Variants in ASAP1 observed in about 807,000 individuals in gnomAD.
ASAP1 encodes arf-GAP with SH3 domain, ANK repeat and PH domain-containing protein 1.
A neutral mutation model predicts 145.2 loss-of-function variants in ASAP1; 43 were observed. That is an observed-to-expected ratio of 0.30 (90% CI 0.23 to 0.38). The LOEUF (loss-of-function observed/expected upper bound fraction) is 0.38. Among genes scored for constraint, ASAP1 ranks in the 10% least tolerant of loss-of-function variants. The probability of loss-of-function intolerance (pLI) is 1.00; values close to 1 mark genes in which losing one functional copy is unlikely to be tolerated. For missense variants in ASAP1, 1,018 were observed against 1,355.3 expected, an observed-to-expected ratio of 0.75 and a Z score of 3.91; for synonymous variants, 546 against 515.5, an observed-to-expected ratio of 1.06 and a Z score of -0.80.
rs779220540 is a variant in ASAP1 at position 130,358,179 on chromosome 8, G to A, written c.60-36C>T. ...GGACGAGACACAAGCGGGGGCGGGG[G>A]GTGAGTCACGGCGCAGGCTCCCGGG... On this transcript the variant is annotated intron_variant, in intron 2 of 29. Coordinates refer to ENST00000518721, the MANE Select transcript of ASAP1 (RefSeq NM_018482.4). This position sits in a 1 kb window ranked among gnomAD's most constrained non-coding sequence, Gnocchi z 4.1. 4 of 1,570,878 alleles carry A rather than the reference G, an allele frequency of 2.5e-6. No individual in the cohort carries two copies. The highest frequency in any genetic ancestry group is 2.6e-6 in the Non-Finnish European group (3 of 1,160,282).
At position 130,378,456 on chromosome 8, in the gene ASAP1, C is replaced by T. The variant is rs116007817; in HGVS notation, c.60-20313G>A. ...TGGCTGGCAAAGGATGGTCCAGGCACGAGTACAGCAGGTGCAAGTGCACGG... is the reference window on the plus strand; with the variant it reads ...TGGCTGGCAAAGGATGGTCCAGGCATGAGTACAGCAGGTGCAAGTGCACGG... On this transcript the variant is annotated intron_variant, in intron 2 of 29. Coordinates refer to ENST00000518721, the MANE Select transcript of ASAP1 (RefSeq NM_018482.4). 3.8e-3 allele frequency among the ~76,000 whole-genome samples: 586 copies of T among 152,292 alleles called. 8 individuals carry two copies. The highest frequency in any genetic ancestry group is 0.013 in the African/African-American group (558 of 41,554).
intron 3 of ASAP1, among the ~76,000 whole-genome samples, chr8:130,300,151 CACAGAGAG>C (rs1405399196): frequency 1.7e-4 from 14 of 84,808 alleles, no homozygotes; most frequent in South Asian, 8.5e-4. Flanking sequence ...CACACACACA[CACAGAGAG>C]AGAGAGAGAG....
intron 25 of ASAP1, chr8:130,084,592 G>C (rs139846121): frequency 3.5e-4 from 53 of 152,252 alleles, no homozygotes; most frequent in African/African-American, 1.3e-3. Context: ...GGTTGCTACA[G>C]GAGTATTCTG....
At chr8:130,391,469 AT>A (rs1414555694) in intron 2 of ASAP1, among the ~76,000 whole-genome samples, 2 of 152,274 alleles carry the variant, frequency 1.3e-5, no homozygotes, top group African/African-American at 4.8e-5. Flanking sequence ...CAATTAAAAT[AT>A]TTTAAAATAA....
In ASAP1 at chr8:130,296,719, T is replaced by C. The variant is rs1239242098; in HGVS notation, c.187-59725A>G. On this transcript the variant is annotated intron_variant, in intron 3 of 29. Coordinates refer to ENST00000518721, the MANE Select transcript of ASAP1 (RefSeq NM_018482.4). ...TTCCCCCTTTCTTTTTAACCATTCA[T>C]CCAGCTCTACAGAGCACAAGGCCGA... Among the ~76,000 whole-genome samples, 5 of 151,370 alleles carry C rather than the reference T, an allele frequency of 3.3e-5. No individual in the cohort carries two copies. The East Asian group carries it at 9.7e-4, about 29-fold the overall frequency.
At chr8:130,297,187 T>C (rs1052130633) in intron 3 of ASAP1, among the ~76,000 whole-genome samples, 1 of 152,176 alleles carries the variant, frequency 6.6e-6, no homozygotes, top group Non-Finnish European at 1.5e-5. Flanking sequence ...AAATATATTA[T>C]CTTTTAAAAT....
intron 1 of ASAP1, among the ~76,000 whole-genome samples, chr8:130,428,143 T>C (rs1829993689): frequency 6.6e-6 from 1 of 152,116 alleles, no homozygotes; most frequent in African/African-American, 2.4e-5. Context: ...AGTCATGCAG[T>C]GAATCAAACG....
chr8:130,327,856 T>C (rs1443852025), intron 3 of ASAP1, among the ~76,000 whole-genome samples: 2 of 152,216 alleles, frequency 1.3e-5, no homozygotes, highest in African/African-American at 2.4e-5. Context: ...AAACACTGCA[T>C]TGTATACTTC....
In ASAP1 at chr8:130,399,104, C is replaced by T. The variant is rs187992668; in HGVS notation, c.59+2781G>A. ...AAACATCCTTAAAGGATGGGACGTG[C>T]CTTTCTCTGTCTCGTTCCTTCCTCC... On this transcript the variant is annotated intron_variant, in intron 2 of 29. Coordinates refer to ENST00000518721, the MANE Select transcript of ASAP1 (RefSeq NM_018482.4). Among the ~76,000 whole-genome samples, 8 of 152,288 alleles carry T rather than the reference C, an allele frequency of 5.3e-5. No individual in the cohort carries two copies. In the East Asian group the frequency reaches 1.4e-3, roughly 26 times the overall value.
chr8:130,334,808 T>C (rs1456242635), intron 3 of ASAP1, among the ~76,000 whole-genome samples: 1 of 152,198 alleles, frequency 6.6e-6, no homozygotes, highest in Non-Finnish European at 1.5e-5. Context: ...CTCTCTCAAA[T>C]ACCAACAGCT....
At chr8:130,229,801 T>C (rs1565114197) in intron 4 of ASAP1, among the ~76,000 whole-genome samples, 1 of 152,176 alleles carries the variant, frequency 6.6e-6, no homozygotes, top group African/African-American at 2.4e-5. Flanking sequence ...AACGCTTTAG[T>C]AGGCAGAGGT....
Position 130,401,882 on chromosome 8 carries a change from C to A in ASAP1, c.59+3G>T. On this transcript the variant is annotated splice_donor_region_variant and intron_variant, in intron 2 of 29. Coordinates refer to ENST00000518721, the MANE Select transcript of ASAP1 (RefSeq NM_018482.4). ...TGGACAGGATGGGCTAGAGATCACT[C>A]ACCGATTCCATAGTGAATCTCTCGA... is the stretch of plus-strand genomic sequence containing the variant. The A allele has an allele frequency of 6.2e-7, 1 of 1,613,452 alleles. No individual in the cohort carries two copies. The highest frequency in any genetic ancestry group is 8.5e-7 in the Non-Finnish European group (1 of 1,179,770).
chr8:130,230,438 T>A (rs1358961721), intron 4 of ASAP1, among the ~76,000 whole-genome samples: 1 of 152,160 alleles, frequency 6.6e-6, no homozygotes, highest in African/African-American at 2.4e-5. Flanking sequence ...TTCTTTTGAA[T>A]CCCTCTAGTT....
intron 3 of ASAP1, among the ~76,000 whole-genome samples, chr8:130,262,797 G>A (rs1027623045): frequency 6.6e-6 from 1 of 152,118 alleles, no homozygotes; most frequent in African/African-American, 2.4e-5. Context: ...TACTTCAGCA[G>A]AAGCATAAAC....
At chr8:130,145,054 C>A (rs1045243699) in intron 13 of ASAP1, among the ~76,000 whole-genome samples, 1 of 152,146 alleles carries the variant, frequency 6.6e-6, no homozygotes, top group Non-Finnish European at 1.5e-5. Context: ...TAAGACGTGG[C>A]GCTGAGGTTA....
intron 3 of ASAP1, among the ~76,000 whole-genome samples, chr8:130,262,378 G>A (rs1819952975): frequency 9.4e-6 from 1 of 106,796 alleles, no homozygotes; most frequent in African/African-American, 3.8e-5. Flanking sequence ...CTGGGCAACA[G>A]TGAGACTCCA....
chr8:130,324,155 A>T (rs528465669), intron 3 of ASAP1, among the ~76,000 whole-genome samples: 1 of 152,328 alleles, frequency 6.6e-6, no homozygotes, highest in Admixed American at 6.5e-5. Flanking sequence ...CTAATCAGGA[A>T]GATCTGGACG....
At chr8:130,208,265 C>T (rs1479237152) in intron 5 of ASAP1, among the ~76,000 whole-genome samples, 1 of 152,064 alleles carries the variant, frequency 6.6e-6, no homozygotes, top group Non-Finnish European at 1.5e-5. Flanking sequence ...ACTAGAATTC[C>T]CCCCATTTTT....
rs561350050 is a variant in ASAP1 at position 130,224,350 on chromosome 8, A to G, written c.260-9649T>C. 1.2e-4 allele frequency among the ~76,000 whole-genome samples: 18 copies of G among 152,348 alleles called. No individual in the cohort carries two copies. The South Asian group carries it at 3.5e-3, about 30-fold the overall frequency. ...TTATATTATCCTATGCATACTTTGT[A>G]GCACTAATCACACTTATAAAATATT... On this transcript the variant is annotated intron_variant, in intron 4 of 29. Transcript: ENST00000518721.
Sources: gnomAD v4.1 joint callset for allele counts (sites outside exome capture counted in the v4.1 genomes callset) on GRCh38, gnomAD v4.1.1 for gene constraint, Gnocchi (gnomAD v3.1) non-coding constraint, MANE v1.5 for transcripts, NCBI Gene and HGNC (gene_info 2026-07-23, HGNC 2026-07-21) for gene names.